Variants in CHD2 observed in about 807,000 individuals in gnomAD.
CHD2 encodes ATP-dependent chromatin remodeler CHD2.
Under a neutral mutation model 243.9 loss-of-function variants are expected in CHD2, and 28 were observed. The ratio of observed to expected loss-of-function variants is 0.11; its 90% CI spans 0.09 to 0.16. The LOEUF is 0.16. Among genes scored for constraint, CHD2 ranks in the 10% least tolerant of loss-of-function variants. The pLI is 1.00. For missense variants in CHD2, 1,386 were observed against 2,209.8 expected, an observed-to-expected ratio of 0.63 and a Z score of 7.47; for synonymous variants, 775 against 779.0, an observed-to-expected ratio of 0.99 and a Z score of 0.09.
rs767356479 is a variant in CHD2, at chr15:92,943,083, A to G, written c.1052+15A>G. ...ATCAAACAATGGTATATTTTCCATCATGGATTAAAGAAATGTATTTGCAGC... is the reference window on the plus strand; with the variant it reads ...ATCAAACAATGGTATATTTTCCATCGTGGATTAAAGAAATGTATTTGCAGC... On this transcript the variant is annotated intron_variant, in intron 9 of 38. Transcript: ENST00000394196. 21 of 1,587,010 alleles carry G rather than the reference A, an allele frequency of 1.3e-5. No homozygotes were observed. The East Asian group carries it at 4.7e-4, about 36-fold the overall frequency.
intron 24 of CHD2, among the ~76,000 whole-genome samples, chr15:92,982,730 A>G (rs2053995210): frequency 6.6e-6 from 1 of 152,150 alleles, no homozygotes; most frequent in African/African-American, 2.4e-5. Context: ...TTGTGTGATT[A>G]GCTCCAAAGC....
chr15:93,011,446 G>C (rs928019628), intron 35 of CHD2, among the ~76,000 whole-genome samples: 1 of 152,198 alleles, frequency 6.6e-6, no homozygotes, highest in Non-Finnish European at 1.5e-5. Context: ...GTGGGACAGG[G>C]AGGGGACTGG....
chr15:92,928,660 C>T (rs984830718), intron 4 of CHD2, among the ~76,000 whole-genome samples: 1 of 152,176 alleles, frequency 6.6e-6, no homozygotes, highest in Non-Finnish European at 1.5e-5. Context: ...ATAAAACTTC[C>T]ATTTCTCAGT....
intron 2 of CHD2, chr15:92,921,457 G>C (rs919799784): frequency 1.3e-5 from 2 of 152,196 alleles, no homozygotes; most frequent in Admixed American, 1.3e-4. Context: ...ACAGTTTCCA[G>C]GTACTGCCTT....
At position 92,971,805 on chromosome 15, in the gene CHD2, A is replaced by T; in HGVS notation, c.2230A>T (p.Thr744Ser). ...GAATTACAAGGCTCTTGCCAAAGGA[A>T]CAAGAGGCAGCACATCTGGTTTTCT... is the stretch of plus-strand genomic sequence containing the variant. ...TRNYKALAKG[T>S]RGSTSGFLNI... Residue 744 changes from threonine (T) to serine (S), a missense_variant, in exon 18 of 39, where the codon ACA (threonine) becomes TCA (serine). Coordinates refer to ENST00000394196, the MANE Select transcript of CHD2 (RefSeq NM_001271.4). The T allele has an allele frequency of 6.2e-7, 1 of 1,613,920 alleles. No homozygotes were observed. The highest frequency in any genetic ancestry group is 8.5e-7 in the Non-Finnish European group (1 of 1,179,894).
At chr15:92,933,983 C>A (rs2053221813) in intron 5 of CHD2, among the ~76,000 whole-genome samples, 2 of 152,184 alleles carry the variant, frequency 1.3e-5, no homozygotes. Flanking sequence ...CCTCAGATTT[C>A]TGTTGATCAT....
intron 4 of CHD2, among the ~76,000 whole-genome samples, chr15:92,927,577 A>G (rs1353783811): frequency 6.6e-6 from 1 of 152,146 alleles, no homozygotes; most frequent in Non-Finnish European, 1.5e-5. Context: ...TGACCTCAAA[A>G]TGGTTTATTT....
chr15:93,000,193 G>T (rs2054236492), intron 31 of CHD2, among the ~76,000 whole-genome samples: 1 of 152,094 alleles, frequency 6.6e-6, no homozygotes, highest in Non-Finnish European at 1.5e-5. Flanking sequence ...TTGAACCCGG[G>T]AGGCAGAGGT....
intron 2 of CHD2, among the ~76,000 whole-genome samples, chr15:92,910,770 C>G (rs1452015959): frequency 2.0e-5 from 3 of 152,192 alleles, no homozygotes; most frequent in Non-Finnish European, 4.4e-5. Context: ...TTAGTAGATA[C>G]ATCTTGAATT....
chr15:92,980,949 G>A, intron 23 of CHD2, 38 bp downstream of exon 23: 2 of 1,410,442 alleles, frequency 1.4e-6, no homozygotes, highest in Non-Finnish European at 2.0e-6. Context: ...TTTTTGAGAA[G>A]TATGATCTGT....
chr15:93,000,909 G>A (rs533352977), intron 32 of CHD2, among the ~76,000 whole-genome samples: 244 of 152,298 alleles, frequency 1.6e-3, no homozygotes, highest in African/African-American at 4.9e-3. Flanking sequence ...GCTCTTGTCC[G>A]CGAGGCTGGA....
intron 10 of CHD2, 187 bp from the exon 11 acceptor site, chr15:92,945,634 G>GC (rs775069423): frequency 2.1e-5 from 7 of 329,530 alleles, no homozygotes; most frequent in Non-Finnish European, 4.0e-5. Context: ...CTGGCCTCAA[G>GC]CAATCTGCCT....
At chr15:92,920,245 AC>A (rs1203505407) in intron 2 of CHD2, among the ~76,000 whole-genome samples, 1 of 152,260 alleles carries the variant, frequency 6.6e-6, no homozygotes, top group African/African-American at 2.4e-5. Context: ...ACAAGAAGAT[AC>A]GTAGAAAGAA....
chr15:92,993,461 T>C (rs1724582030), intron 28 of CHD2, among the ~76,000 whole-genome samples: 1 of 152,210 alleles, frequency 6.6e-6, no homozygotes, highest in African/African-American at 2.4e-5. Flanking sequence ...TTGGGTTACG[T>C]TGAGATTTTC....
rs540390240 is a variant in CHD2, at chr15:92,986,331, A to G, written c.3413+658A>G. 2.6e-5 allele frequency among the ~76,000 whole-genome samples: 4 copies of G among 152,260 alleles called. No individual in the cohort carries two copies. In the South Asian group the frequency reaches 8.3e-4, roughly 32 times the overall value. ...TTTTTTTTAAGCCTGAAGAAAATAG[A>G]AAGTATAAAGATGGTTTTAAGGCCT... On this transcript the variant is annotated intron_variant, in intron 26 of 38. Coordinates refer to ENST00000394196, the MANE Select transcript of CHD2 (RefSeq NM_001271.4).
chr15:93,014,566 G>GAGGT, intron 36 of CHD2, 130 bp from the exon 37 acceptor site: 1 of 733,276 alleles, frequency 1.4e-6, no homozygotes, highest in Admixed American at 2.8e-5. Flanking sequence ...TTTTTGTTAG[G>GAGGT]AGGTAGTAAA....
intron 12 of CHD2, chr15:92,946,607 C>T (rs1187237962): frequency 1.3e-5 from 2 of 153,274 alleles, no homozygotes; most frequent in African/African-American, 4.8e-5. Flanking sequence ...CTGCCTCAGC[C>T]TCCTGAGCAG....
At position 93,026,801 on chromosome 15, in the gene CHD2, A is replaced by T. The variant is rs1159001592; in HGVS notation, c.*2096A>T. ...TTGTCGAGCCCTTGAGCGTTGGGAG[A>T]TGGGGTGGGAAGGAGGTGAGCCCCT... On this transcript the variant is annotated 3_prime_UTR_variant, in exon 39 of 39. Transcript: ENST00000394196. 2 of 152,224 alleles carry T rather than the reference A, an allele frequency of 1.3e-5. No homozygotes were observed. Among genetic ancestry groups the T allele is most frequent in the African/African-American group, 2.4e-5 (1 of 41,398 alleles). 9.4% of individuals were successfully genotyped at this position (152,224 alleles called of 1,614,324 possible). A position where few individuals can be genotyped will look rare whatever the true frequency, so the allele number is the denominator to read the frequency against.
intron 2 of CHD2, among the ~76,000 whole-genome samples, chr15:92,912,138 T>C (rs1443339115): frequency 6.6e-6 from 1 of 152,160 alleles, no homozygotes; most frequent in Non-Finnish European, 1.5e-5. Context: ...TGTGCTTTGC[T>C]TCAAGTTTGT....
Sources: allele counts gnomAD v4.1 joint callset (sites outside exome capture counted in the v4.1 genomes callset), GRCh38; gene constraint gnomAD v4.1.1; transcripts MANE v1.5; gene names NCBI Gene and HGNC (gene_info 2026-07-23, HGNC 2026-07-21).